Variants in L2HGDH observed in about 807,000 individuals in gnomAD.
L2HGDH encodes the protein L-2-hydroxyglutarate dehydrogenase, mitochondrial.
In L2HGDH, 34 loss-of-function variants were observed where a neutral mutation model predicts 51.5. That is an observed-to-expected ratio of 0.66 (90% CI 0.50 to 0.88). The LOEUF is 0.88. Ranked by LOEUF, L2HGDH falls within the 40% of genes least tolerant of loss-of-function variation. The probability of loss-of-function intolerance (pLI) is 0.00; values close to 1 mark genes in which losing one functional copy is unlikely to be tolerated. For synonymous variants in L2HGDH, 198 were observed against 197.9 expected (o/e 1.00, Z -0.01); for missense variants, 558 against 571.9 (o/e 0.98, Z 0.25).
At chr14:50,275,372 A>G (rs1403316008) in intron 6 of L2HGDH, among the ~76,000 whole-genome samples, 3 of 152,242 alleles carry the variant, frequency 2.0e-5, no homozygotes, top group Admixed American at 2.0e-4. Flanking sequence ...GACCACTTCC[A>G]TCATAGAAAA....
chr14:50,269,155 T>C lies in L2HGDH; in HGVS notation c.906+8A>G, dbSNP rs1344157448. 5 of 1,474,760 alleles carry C rather than the reference T, an allele frequency of 3.4e-6. No individual in the cohort carries two copies. Among genetic ancestry groups the C allele is most frequent in the Non-Finnish European group, 3.7e-6 (4 of 1,085,998 alleles). 91.4% of individuals were successfully genotyped at this position (1,474,760 alleles called of 1,614,324 possible). On this transcript the variant is annotated splice_region_variant and intron_variant, in intron 7 of 9. Transcript: ENST00000267436. ...AAAAAATGAGAAGTAGGAAGCATCA[T>C]TACCTACCGGATAAATATTTCCTTT...
chr14:50,299,741 G>GT (rs1466920420), intron 3 of L2HGDH: 1 of 154,272 alleles, frequency 6.5e-6, no homozygotes, highest in Admixed American at 6.5e-5. Context: ...CAGGCCAGGC[G>GT]TGGTGGCTCA....
chr14:50,254,092 T>C (rs1888517361), intron 9 of L2HGDH, among the ~76,000 whole-genome samples: 1 of 151,702 alleles, frequency 6.6e-6, no homozygotes, highest in Non-Finnish European at 1.5e-5. Flanking sequence ...CCCCCAAAAA[T>C]AGAAAGAATG....
intron 6 of L2HGDH, among the ~76,000 whole-genome samples, chr14:50,276,195 C>A (rs1889972305): frequency 6.6e-6 from 1 of 152,210 alleles, no homozygotes; most frequent in Non-Finnish European, 1.5e-5. Context: ...ACAGCCAGGG[C>A]TGCTAACGGC....
chr14:50,290,594 C>T (rs1218836207), intron 4 of L2HGDH, among the ~76,000 whole-genome samples: 2 of 152,128 alleles, frequency 1.3e-5, no homozygotes, highest in Admixed American at 6.5e-5. Context: ...GTTAAAACAG[C>T]TACAGACAAT....
In L2HGDH at chr14:50,246,671, A is replaced by G. The variant is rs1888023801; in HGVS notation, c.*387T>C. 1 of 178,232 alleles carries G rather than the reference A, an allele frequency of 5.6e-6. No homozygotes were observed. Among genetic ancestry groups the G allele is most frequent in the South Asian group, 1.1e-4 (1 of 8,858 alleles). 11.0% of individuals were successfully genotyped at this position (178,232 alleles called of 1,614,324 possible). On this transcript the variant is annotated 3_prime_UTR_variant, in exon 10 of 10. Coordinates refer to ENST00000267436, the MANE Select transcript of L2HGDH (RefSeq NM_024884.3). ...GCTGTTCTCAAACTCCTGGGCTACA[A>G]TCTACCTGCCTTGGCTTCCCAAAGT...
At chr14:50,265,314 C>A (rs1450354766) in intron 9 of L2HGDH, 44 bp downstream of exon 9, 1 of 1,558,318 alleles carries the variant, frequency 6.4e-7, no homozygotes, top group Admixed American at 1.7e-5. Context: ...CTCAAGTTCA[C>A]ATAGGTCAGG....
At chr14:50,282,925 C>G (rs1204456654) in intron 5 of L2HGDH, among the ~76,000 whole-genome samples, 1 of 151,868 alleles carries the variant, frequency 6.6e-6, no homozygotes, top group Non-Finnish European at 1.5e-5. Flanking sequence ...ACCTGTAATC[C>G]TAGCACTTTG....
At chr14:50,306,153 C>T (rs569432618) in intron 1 of L2HGDH, among the ~76,000 whole-genome samples, 5 of 151,778 alleles carry the variant, frequency 3.3e-5, no homozygotes, top group East Asian at 3.9e-4. Flanking sequence ...CGGATTCAAG[C>T]GATTCTTCCA....
Position 50,277,534 on chromosome 14 carries a change from G to A in L2HGDH, c.738+986C>T, listed in dbSNP as rs553893637. ...CTCACACCTGTAATCCCAGCACTTT[G>A]GGAGGCCGAGGCGGGTGGATCATGA... On this transcript the variant is annotated intron_variant, in intron 6 of 9. Coordinates refer to ENST00000267436, the MANE Select transcript of L2HGDH (RefSeq NM_024884.3). Among the ~76,000 whole-genome samples the A allele has an allele frequency of 4.6e-4, 70 of 152,062 alleles. 1 individual carries two copies. In the South Asian group the frequency reaches 0.014, roughly 30 times the overall value.
chr14:50,255,673 C>T (rs567907427), intron 9 of L2HGDH, among the ~76,000 whole-genome samples: 3 of 151,968 alleles, frequency 2.0e-5, no homozygotes, highest in Non-Finnish European at 2.9e-5. Context: ...ACATAGTAGG[C>T]ATTCAATAAG....
At chr14:50,310,938 T>C (rs1390376444) in intron 1 of L2HGDH, among the ~76,000 whole-genome samples, 3 of 30,854 alleles carry the variant, frequency 9.7e-5, no homozygotes, top group African/African-American at 3.7e-4. Flanking sequence ...TTTCTTTTCT[T>C]TTTTTTTTTT....
At chr14:50,295,290 A>C (rs907222641) in intron 3 of L2HGDH, among the ~76,000 whole-genome samples, 1 of 152,198 alleles carries the variant, frequency 6.6e-6, no homozygotes, top group African/African-American at 2.4e-5. Flanking sequence ...CAAGAAGACC[A>C]CTTGAGCCCA....
At chr14:50,289,229 G>A (rs1890731204) in intron 4 of L2HGDH, among the ~76,000 whole-genome samples, 1 of 151,954 alleles carries the variant, frequency 6.6e-6, no homozygotes, top group Non-Finnish European at 1.5e-5. Flanking sequence ...TAATATGCTA[G>A]GATCTCTATT....
chr14:50,291,250 A>T (rs1038085951), intron 4 of L2HGDH, among the ~76,000 whole-genome samples: 3 of 151,130 alleles, frequency 2.0e-5, no homozygotes, highest in African/African-American at 7.3e-5. Context: ...TTTAGTTTTC[A>T]GGCCATACAA....
At chr14:50,266,261 T>C (rs988603931) in intron 8 of L2HGDH, among the ~76,000 whole-genome samples, 1 of 152,104 alleles carries the variant, frequency 6.6e-6, no homozygotes, top group Non-Finnish European at 1.5e-5. Flanking sequence ...ATGGAAATAT[T>C]AGATGCCTTC....
intron 6 of L2HGDH, among the ~76,000 whole-genome samples, chr14:50,269,689 G>A (rs1323554551): frequency 6.6e-6 from 1 of 152,034 alleles, no homozygotes; most frequent in East Asian, 1.9e-4. Context: ...TGCTGCATGA[G>A]GAAGCAAATG....
At chr14:50,310,907 A>G (rs965990967) in intron 1 of L2HGDH, among the ~76,000 whole-genome samples, 19 of 128,044 alleles carry the variant, frequency 1.5e-4, no homozygotes, top group African/African-American at 5.2e-4. Flanking sequence ...ACATTTAATT[A>G]TTAGCCTCTT....
At chr14:50,305,321 T>C (rs567858672) in intron 1 of L2HGDH, among the ~76,000 whole-genome samples, 1 of 152,284 alleles carries the variant, frequency 6.6e-6, no homozygotes, top group Non-Finnish European at 1.5e-5. Context: ...AGAGAGGGCA[T>C]AAAAAGAGCA....
Sources: gnomAD v4.1 joint callset for allele counts (sites outside exome capture counted in the v4.1 genomes callset) on GRCh38, gnomAD v4.1.1 for gene constraint, MANE v1.5 for transcripts, NCBI Gene and HGNC (gene_info 2026-07-23, HGNC 2026-07-21) for gene names.